Variants in NALF1 observed in about 807,000 individuals in gnomAD.
NALF1 encodes NALCN channel auxiliary factor 1.
Under a neutral mutation model 48.4 loss-of-function variants are expected in NALF1, and 3 were observed. The ratio of observed to expected loss-of-function variants is 0.06; its 90% CI spans 0.03 to 0.16. NALF1 has a LOEUF of 0.16. Among genes scored for constraint, NALF1 ranks in the 10% least tolerant of loss-of-function variants. NALF1 has a pLI of 1.00. For missense variants in NALF1, 526 were observed against 571.5 expected, an observed-to-expected ratio of 0.92 and a Z score of 0.81; for synonymous variants, 262 against 245.7, an observed-to-expected ratio of 1.07 and a Z score of -0.62.
chr13:107,324,064 G>A (rs977681477), intron 1 of NALF1, among the ~76,000 whole-genome samples: 4 of 152,142 alleles, frequency 2.6e-5, no homozygotes, highest in Admixed American at 6.5e-5. Flanking sequence ...GGCTATGAAT[G>A]TGCCACTGCA....
At chr13:107,417,727 A>G (rs555173584) in intron 1 of NALF1, among the ~76,000 whole-genome samples, 1 of 152,286 alleles carries the variant, frequency 6.6e-6, no homozygotes, top group Non-Finnish European at 1.5e-5. Flanking sequence ...AAGAATTCAA[A>G]TATGGCCTCT....
intron 1 of NALF1, among the ~76,000 whole-genome samples, chr13:107,808,365 A>G (rs1380725780): frequency 1.3e-5 from 2 of 152,126 alleles, no homozygotes; most frequent in African/African-American, 4.8e-5. Flanking sequence ...TATGAAAGGA[A>G]TATCTATCTT....
At chr13:107,335,551 T>G (rs1344399626) in intron 1 of NALF1, among the ~76,000 whole-genome samples, 3 of 152,252 alleles carry the variant, frequency 2.0e-5, no homozygotes, top group Non-Finnish European at 4.4e-5. Flanking sequence ...AAAAGTAATT[T>G]GAAAATCCCA....
chr13:107,648,721 TA>T (rs1267151150), intron 1 of NALF1, among the ~76,000 whole-genome samples: 1 of 152,140 alleles, frequency 6.6e-6, no homozygotes, highest in Non-Finnish European at 1.5e-5. Flanking sequence ...TGCTAGTTAA[TA>T]TGGTAAAAAT....
chr13:107,327,865 T>C (rs1882393349), intron 1 of NALF1, among the ~76,000 whole-genome samples: 1 of 152,164 alleles, frequency 6.6e-6, no homozygotes, highest in South Asian at 2.1e-4. Context: ...TATAGAGTGG[T>C]ACTCCAGCCA....
chr13:107,389,380 A>G (rs900285159), intron 1 of NALF1, among the ~76,000 whole-genome samples: 1 of 152,196 alleles, frequency 6.6e-6, no homozygotes, highest in African/African-American at 2.4e-5. Flanking sequence ...ACCCTAATCC[A>G]TTATAGTTGG....
At chr13:107,397,645 T>C (rs746444189) in intron 1 of NALF1, among the ~76,000 whole-genome samples, 1 of 152,132 alleles carries the variant, frequency 6.6e-6, no homozygotes, top group Non-Finnish European at 1.5e-5. Flanking sequence ...ATTTTGATTT[T>C]TTTTTTATCT....
In NALF1 at chr13:107,668,151, C is replaced by T. The variant is rs138851890; in HGVS notation, c.915+197531G>A. Among the ~76,000 whole-genome samples, 186 of 152,196 alleles carry T rather than the reference C, an allele frequency of 1.2e-3. 2 individuals are homozygous for T. The highest frequency in any genetic ancestry group is 4.2e-3 in the African/African-American group (176 of 41,530). On this transcript the variant is annotated intron_variant, in intron 1 of 2. Coordinates refer to ENST00000375915, the MANE Select transcript of NALF1 (RefSeq NM_001080396.3). The stretch of plus-strand genomic sequence containing the variant: ...CAAAAGTCACTGGACTATGGTAAGG[C>T]ATATATCACCTAACAATCCACCAAA...
At chr13:107,856,186 C>T (rs981537176) in intron 1 of NALF1, among the ~76,000 whole-genome samples, 6 of 152,210 alleles carry the variant, frequency 3.9e-5, no homozygotes, top group African/African-American at 7.2e-5. Context: ...GGATTACAGG[C>T]ATGAGCCACT....
At chr13:107,380,054 TA>T (rs1883403890) in intron 1 of NALF1, among the ~76,000 whole-genome samples, 1 of 152,216 alleles carries the variant, frequency 6.6e-6, no homozygotes, top group Admixed American at 6.5e-5. Context: ...AAGTTTTCCT[TA>T]ATGGGCTGAT....
At chr13:107,654,678 G>A (rs1412687278) in intron 1 of NALF1, among the ~76,000 whole-genome samples, 1 of 150,914 alleles carries the variant, frequency 6.6e-6, no homozygotes, top group Non-Finnish European at 1.5e-5. Flanking sequence ...CAAAACCAGG[G>A]AAGGACATAA....
chr13:107,200,724 TTGG>T (rs2138793667), intron 2 of NALF1, among the ~76,000 whole-genome samples: 3 of 152,350 alleles, frequency 2.0e-5, no homozygotes, highest in Middle Eastern at 3.4e-3. Context: ...CAGTCGCCAG[TTGG>T]CTGGAGGAGG....
chr13:107,750,199 C>T (rs1041757927), intron 1 of NALF1, among the ~76,000 whole-genome samples: 3 of 152,254 alleles, frequency 2.0e-5, no homozygotes, highest in South Asian at 4.1e-4. Flanking sequence ...CACACTGGGA[C>T]GTGCGGACCT....
chr13:107,767,952 C>T (rs1877461782), intron 1 of NALF1, among the ~76,000 whole-genome samples: 1 of 152,134 alleles, frequency 6.6e-6, no homozygotes, highest in Non-Finnish European at 1.5e-5. Context: ...GTAAGGACTA[C>T]CCGGAATGAT....
chr13:107,812,150 G>A (rs544981208), intron 1 of NALF1, among the ~76,000 whole-genome samples: 1 of 152,042 alleles, frequency 6.6e-6, no homozygotes, highest in Non-Finnish European at 1.5e-5. Flanking sequence ...AAAAACTAAA[G>A]CTTCATTCAT....
chr13:107,316,487 T>C (rs1450455323), intron 1 of NALF1, among the ~76,000 whole-genome samples: 2 of 152,358 alleles, frequency 1.3e-5, no homozygotes, highest in East Asian at 1.9e-4. Flanking sequence ...ACTTCCACAA[T>C]GGTTGAACTA....
intron 1 of NALF1, among the ~76,000 whole-genome samples, chr13:107,458,317 G>A (rs1358165567): frequency 1.3e-5 from 2 of 152,180 alleles, no homozygotes; most frequent in African/African-American, 4.8e-5. Context: ...GACCAGGAAA[G>A]CTCTGGCAGA....
At chr13:107,238,906 T>C (rs968818791) in intron 1 of NALF1, among the ~76,000 whole-genome samples, 2 of 152,180 alleles carry the variant, frequency 1.3e-5, no homozygotes, top group African/African-American at 2.4e-5. Context: ...TATTCAGAGA[T>C]ATTTTTTGTT....
intron 1 of NALF1, among the ~76,000 whole-genome samples, chr13:107,412,458 C>G (rs1385469689): frequency 2.6e-5 from 4 of 152,166 alleles, no homozygotes; most frequent in African/African-American, 9.7e-5. Flanking sequence ...TTTCACATCA[C>G]TGACTTGTTG....
Sources: gnomAD v4.1 joint callset for allele counts (sites outside exome capture counted in the v4.1 genomes callset) on GRCh38, gnomAD v4.1.1 for gene constraint, MANE v1.5 for transcripts, NCBI Gene and HGNC (gene_info 2026-07-23, HGNC 2026-07-21) for gene names.